WSCD1: variants seen among roughly 807,000 people sequenced by gnomAD.
WSCD1 encodes the protein WSC domain sialate O sulfotransferase 1.
Under a neutral mutation model 60.4 loss-of-function variants are expected in WSCD1, and 41 were observed. The observed-to-expected ratio is 0.68, with a 90% confidence interval of 0.53 to 0.88. The LOEUF is 0.88. WSCD1 is among the 40% of genes least tolerant of loss of function. WSCD1 has a pLI of 0.00. For synonymous variants in WSCD1, 361 were observed against 332.5 expected (o/e 1.09, Z -0.93); for missense variants, 784 against 796.2 (o/e 0.98, Z 0.18).
At chr17:6,113,181 G>T (rs552657988) in intron 7 of WSCD1, among the ~76,000 whole-genome samples, 63 of 152,258 alleles carry the variant, frequency 4.1e-4, no homozygotes, top group African/African-American at 1.5e-3. Flanking sequence ...AAGATGCCAA[G>T]AACATACATT....
Position 6,075,459 on chromosome 17 carries a change from C to A in WSCD1, c.-289+4807C>A, listed in dbSNP as rs1233711358. Among the ~76,000 whole-genome samples, 1 of 152,134 alleles carries A rather than the reference C, an allele frequency of 6.6e-6. No homozygotes were observed. Among genetic ancestry groups the A allele is most frequent in the Non-Finnish European group, 1.5e-5 (1 of 68,016 alleles). On this transcript the variant is annotated intron_variant, in intron 1 of 8. Transcript: ENST00000317744. The surrounding 1 kb of genome is among the most constrained non-coding windows in gnomAD (Gnocchi z 4.1). Reference sequence around the variant, plus strand: ...CCCTAGCCTGGCTGAGAAGTGGCCACCTGACCAGCCCAAGCCACCCATCAT... The same window carrying A: ...CCCTAGCCTGGCTGAGAAGTGGCCAACTGACCAGCCCAAGCCACCCATCAT...
chr17:6,073,911 G>A (rs940697686), intron 1 of WSCD1, among the ~76,000 whole-genome samples: 2 of 152,240 alleles, frequency 1.3e-5, no homozygotes, highest in African/African-American at 4.8e-5. Flanking sequence ...ATTTGTTCAA[G>A]TTAATTGGCC....
Position 6,110,847 on chromosome 17 carries a change from C to T in WSCD1, c.1086C>T (p.Ala362=), listed in dbSNP as rs370468838. The part of the protein sequence containing the change: ...VFVALSSFPG[A]GNTWARHLIE... ...TGGCTTTGTCAAGCTTCCCAGGAGCCGGGAACACATGGGCACGGCACCTCA... is the reference window on the plus strand; with the variant it reads ...TGGCTTTGTCAAGCTTCCCAGGAGCTGGGAACACATGGGCACGGCACCTCA... Residue 362 remains alanine, a synonymous_variant, in exon 7 of 9, where the codon GCC becomes GCT. Transcript: ENST00000317744. This position sits in a 1 kb window ranked among gnomAD's most constrained non-coding sequence, Gnocchi z 4.8. 42 of 1,613,912 alleles carry T rather than the reference C, an allele frequency of 2.6e-5. No homozygotes were observed. The highest frequency in any genetic ancestry group is 1.9e-4 in the South Asian group (17 of 91,038).
chr17:6,109,546 C>T, intron 5 of WSCD1, 61 bp from the exon 6 acceptor site: 1 of 1,581,726 alleles, frequency 6.3e-7, no homozygotes, highest in Non-Finnish European at 8.6e-7. Context: ...ATTCCTGAGC[C>T]CTGGGAAGCA....
intron 5 of WSCD1, among the ~76,000 whole-genome samples, chr17:6,105,404 C>T (rs747788823): frequency 6.6e-6 from 1 of 152,142 alleles, no homozygotes; most frequent in Non-Finnish European, 1.5e-5. Context: ...CTTTCTCTCA[C>T]TGAAGCACCC....
At chr17:6,082,960 G>C (rs1382812509) in intron 2 of WSCD1, among the ~76,000 whole-genome samples, 3 of 152,178 alleles carry the variant, frequency 2.0e-5, no homozygotes, top group Non-Finnish European at 4.4e-5. Flanking sequence ...GCTGTGGAAG[G>C]AAGTTCCTTC....
At position 6,080,543 on chromosome 17, in the gene WSCD1, G is replaced by A; in HGVS notation, c.-116G>A. ...AGTGAGTGACCCCAGGCGAGCACAGGCAGGTGCCAGGAGCCAGGATGCAAG... is the reference window on the plus strand; with the variant it reads ...AGTGAGTGACCCCAGGCGAGCACAGACAGGTGCCAGGAGCCAGGATGCAAG... On this transcript the variant is annotated 5_prime_UTR_variant, in exon 2 of 9. Coordinates refer to ENST00000317744, the MANE Select transcript of WSCD1 (RefSeq NM_015253.2). This position sits in a 1 kb window ranked among gnomAD's most constrained non-coding sequence, Gnocchi z 6.6. 1 of 1,098,840 alleles carries A rather than the reference G, an allele frequency of 9.1e-7. No individual in the cohort carries two copies. The highest frequency in any genetic ancestry group is 1.3e-6 in the Non-Finnish European group (1 of 752,230). The allele number at this position is 1,098,840 out of a possible 1,614,324, so 68.1% of individuals were successfully genotyped here. A position where few individuals can be genotyped will look rare whatever the true frequency, so the allele number is the denominator to read the frequency against.
In WSCD1 at chr17:6,119,647, C is replaced by T. The variant is rs565178733; in HGVS notation, c.1376-662C>T. On this transcript the variant is annotated intron_variant, in intron 8 of 8. Transcript: ENST00000317744. ...CAGGCAGGCTGATCTCTGACGCCTC[C>T]TCTGCCTCTTATGAGCCGTATAACT... Among the ~76,000 whole-genome samples, 50 of 152,270 alleles carry T rather than the reference C, an allele frequency of 3.3e-4. 1 individual carries two copies. The highest frequency in any genetic ancestry group is 2.9e-3 in the Admixed American group (44 of 15,308).
chr17:6,102,952 G>A (rs899662490), intron 5 of WSCD1, among the ~76,000 whole-genome samples: 1 of 152,204 alleles, frequency 6.6e-6, no homozygotes, highest in Non-Finnish European at 1.5e-5. Flanking sequence ...TGGGGCAAAG[G>A]ATAGGTACAT....
rs779735739 is a variant in WSCD1 at position 6,095,124 on chromosome 17, A to G, written c.750A>G (p.Gly250=). The change falls in exon 5 of 9, where the codon GGA becomes GGG. Residue 250 remains glycine, a synonymous_variant. Coordinates refer to ENST00000317744, the MANE Select transcript of WSCD1 (RefSeq NM_015253.2). ...SRKRRTATYR[G]CFRLPENITH... is the part of the protein sequence containing the mutation. ...CAGGGCGGACCGCCACCTACCGCGG[A>G]TGCTTCCGACTGCCAGAGAACATCA... The G allele has an allele frequency of 3.1e-6, 5 of 1,613,044 alleles. No homozygotes were observed. The highest frequency in any genetic ancestry group is 1.7e-4 in the Middle Eastern group (1 of 6,058).
At chr17:6,106,086 T>A (rs1208667269) in intron 5 of WSCD1, among the ~76,000 whole-genome samples, 1 of 152,250 alleles carries the variant, frequency 6.6e-6, no homozygotes, top group Non-Finnish European at 1.5e-5. Context: ...GCATCTGCCA[T>A]GTGCAAGGCA....
intron 1 of WSCD1, among the ~76,000 whole-genome samples, chr17:6,072,072 C>A (rs1267452580): frequency 6.6e-6 from 1 of 152,260 alleles, no homozygotes; most frequent in Admixed American, 6.5e-5. Context: ...TCAGCAGGGC[C>A]ATTTCCACAG....
intron 1 of WSCD1, among the ~76,000 whole-genome samples, chr17:6,078,579 T>C (rs936032587): frequency 8.6e-5 from 13 of 151,948 alleles, no homozygotes; most frequent in African/African-American, 1.5e-4. Context: ...TGTGTGTGTG[T>C]GCGTGTGTGT....
chr17:6,109,715 G>C lies in WSCD1; in HGVS notation c.958G>C (p.Glu320Gln). ...CAGCTCAGTATGTGGCCAGGACCCTGAGGCACAGAGGCTGGCAGAATACTG... is the reference window on the plus strand; with the variant it reads ...CAGCTCAGTATGTGGCCAGGACCCTCAGGCACAGAGGCTGGCAGAATACTG... ...MDSSVCGQDP[E>Q]AQRLAEYCEV... The change falls in exon 6 of 9, where the codon GAG becomes CAG. Residue 320 changes from glutamate (E) to glutamine (Q), a missense_variant. Glu to Gln is a conservative substitution (Grantham distance 29). Transcript: ENST00000317744. 6.2e-7 allele frequency: 1 copy of C among 1,614,144 alleles called. No individual in the cohort carries two copies.
chr17:6,074,770 A>G (rs1251879495), intron 1 of WSCD1, among the ~76,000 whole-genome samples: 2 of 152,224 alleles, frequency 1.3e-5, no homozygotes, highest in African/African-American at 4.8e-5. Context: ...CTCGCTAACC[A>G]GGTGATGCTC....
At chr17:6,104,992 GGA>G (rs896822622) in intron 5 of WSCD1, among the ~76,000 whole-genome samples, 11 of 152,220 alleles carry the variant, frequency 7.2e-5, no homozygotes, top group Non-Finnish European at 1.5e-4. Flanking sequence ...TGAAGATGGA[GGA>G]GATGATGCCG....
chr17:6,098,146 G>C (rs995632903), intron 5 of WSCD1, among the ~76,000 whole-genome samples: 1 of 124,762 alleles, frequency 8.0e-6, no homozygotes, highest in African/African-American at 3.4e-5. Context: ...GCAGAGACAG[G>C]GGGGCGGGGT....
At chr17:6,070,174 G>GTGTGTA, upstream of WSCD1, among the ~76,000 whole-genome samples, 1 of 151,180 alleles carries the variant, frequency 6.6e-6, no homozygotes, top group South Asian at 2.1e-4. Flanking sequence ...GTGTGTGTGT[G>GTGTGTA]TGTATCAGAG....
intron 3 of WSCD1, among the ~76,000 whole-genome samples, chr17:6,089,591 C>T (rs1909892479): frequency 6.6e-6 from 1 of 152,184 alleles, no homozygotes; most frequent in Non-Finnish European, 1.5e-5. Flanking sequence ...CACGGCCGCT[C>T]ACCATGGGAA....
Sources: gnomAD v4.1 joint callset for allele counts (sites outside exome capture counted in the v4.1 genomes callset) on GRCh38, gnomAD v4.1.1 for gene constraint, Gnocchi (gnomAD v3.1) non-coding constraint, MANE v1.5 for transcripts, NCBI Gene and HGNC (gene_info 2026-07-23, HGNC 2026-07-21) for gene names.